NBAS: variants seen among roughly 807,000 people sequenced by gnomAD.
The protein encoded by NBAS is NAG/BC035112 fusion.
A neutral mutation model predicts 302.5 loss-of-function variants in NBAS; 219 were observed. The observed-to-expected ratio is 0.72, with a 90% CI of 0.65 to 0.81. NBAS has a LOEUF of 0.81. NBAS is among the 30% of genes least tolerant of loss of function. NBAS has a pLI of 0.00. For missense variants in NBAS, 2,932 were observed against 2,841.6 expected (o/e 1.03, Z -0.72); for synonymous variants, 1,118 against 1,021.6 (o/e 1.09, Z -1.80).
At chr2:14,793,443 TTGA>T in the NBAS span, among the ~76,000 whole-genome samples, 1 of 152,132 alleles carries the variant, frequency 6.6e-6, no homozygotes, top group Non-Finnish European at 1.5e-5. Context: ...CAGCAGAATA[TTGA>T]TGACAGAGTA....
At chr2:15,272,646 A>T (rs915365653) in intron 44 of NBAS, among the ~76,000 whole-genome samples, 1 of 152,214 alleles carries the variant, frequency 6.6e-6, no homozygotes, top group Non-Finnish European at 1.5e-5. Flanking sequence ...ACCTCTCTAT[A>T]ATTTACTTGA....
chr2:14,918,316 A>C, the NBAS span, among the ~76,000 whole-genome samples: 1 of 55,814 alleles, frequency 1.8e-5, no homozygotes, highest in Non-Finnish European at 3.5e-5. Context: ...TCCATGCAAA[A>C]AAAAAAAAAA....
intron 44 of NBAS, among the ~76,000 whole-genome samples, chr2:15,258,323 C>T (rs1668695193): frequency 6.6e-6 from 1 of 152,034 alleles, no homozygotes; most frequent in African/African-American, 2.4e-5. Context: ...TGAAAATGAA[C>T]AGAATAATAG....
intron 32 of NBAS, among the ~76,000 whole-genome samples, chr2:15,360,299 A>G (rs2148323512): frequency 6.6e-6 from 1 of 150,416 alleles, no homozygotes; most frequent in South Asian, 2.1e-4. Context: ...TTCTTTCTTC[A>G]GTAATAAGTT....
At chr2:15,052,538 C>A in the NBAS span, among the ~76,000 whole-genome samples, 2 of 152,194 alleles carry the variant, frequency 1.3e-5, no homozygotes, top group Admixed American at 1.3e-4. Flanking sequence ...GAAAGACATG[C>A]CCCTAACTCA....
chr2:14,899,036 T>G, the NBAS span, among the ~76,000 whole-genome samples: 2 of 152,088 alleles, frequency 1.3e-5, no homozygotes, highest in Non-Finnish European at 2.9e-5. Context: ...GAAACTAGGG[T>G]GGCCAGGCAT....
At chr2:15,110,863 G>A in the NBAS span, among the ~76,000 whole-genome samples, 8 of 151,960 alleles carry the variant, frequency 5.3e-5, no homozygotes, top group East Asian at 1.9e-4. Context: ...AACAGAAATC[G>A]TGAAAACCTC....
chr2:14,794,345 A>G, the NBAS span, among the ~76,000 whole-genome samples: 2 of 152,194 alleles, frequency 1.3e-5, no homozygotes, highest in Non-Finnish European at 2.9e-5. Context: ...ACTTAACTAA[A>G]TTACAAGTAT....
At chr2:14,841,163 T>C in the NBAS span, among the ~76,000 whole-genome samples, 20 of 151,986 alleles carry the variant, frequency 1.3e-4, 1 homozygote, top group South Asian at 3.9e-3. Context: ...AGATTCATGA[T>C]AACCACAATG....
Position 15,292,240 on chromosome 2 carries a change from CT to C in NBAS, c.5027+296del, listed in dbSNP as rs1320030545. On this transcript the variant is annotated intron_variant, in intron 41 of 51. Coordinates refer to ENST00000281513, the MANE Select transcript of NBAS (RefSeq NM_015909.4). ...TCTTGAGATCTTGGGCCACCTTGGC[CT>C]CCCAAAGTGCTGGGATTACAGGCAT... Among the ~76,000 whole-genome samples the C allele has an allele frequency of 1.3e-4, 20 of 152,326 alleles. No individual in the cohort carries two copies. The South Asian group carries it at 1.5e-3, about 11-fold the overall frequency.
chr2:15,074,018 C>A, the NBAS span, among the ~76,000 whole-genome samples: 3 of 152,046 alleles, frequency 2.0e-5, no homozygotes, highest in Non-Finnish European at 2.9e-5. Flanking sequence ...TGGAAAAAAT[C>A]TTATGAATAA....
downstream of NBAS, among the ~76,000 whole-genome samples, chr2:15,163,922 G>A (rs188500015): frequency 5.3e-5 from 8 of 151,818 alleles, no homozygotes; most frequent in East Asian, 1.9e-4. Flanking sequence ...TCAGCCTCCC[G>A]AGTAGCTGGG....
chr2:14,900,282 G>C, the NBAS span, among the ~76,000 whole-genome samples: 2 of 151,896 alleles, frequency 1.3e-5, no homozygotes, highest in Non-Finnish European at 2.9e-5. Context: ...GCATAAGCAT[G>C]CTCAACAAAT....
At chr2:14,938,082 C>T in the NBAS span, among the ~76,000 whole-genome samples, 42 of 151,962 alleles carry the variant, frequency 2.8e-4, 1 homozygote, top group African/African-American at 9.2e-4. Flanking sequence ...GAGCCAGGAT[C>T]GCGCCACTGC....
At chr2:15,266,123 C>T (rs1029054742) in intron 44 of NBAS, among the ~76,000 whole-genome samples, 4 of 152,168 alleles carry the variant, frequency 2.6e-5, no homozygotes, top group Non-Finnish European at 5.9e-5. Flanking sequence ...TCCCCCTTGG[C>T]TGGGCACTCA....
intron 21 of NBAS, among the ~76,000 whole-genome samples, chr2:15,455,054 C>T (rs190435198): frequency 6.6e-6 from 1 of 152,186 alleles, no homozygotes; most frequent in African/African-American, 2.4e-5. Context: ...AGGTGTGTGC[C>T]ACCATGCCCG....
At chr2:15,204,212 T>C (rs1001508444) in intron 48 of NBAS, among the ~76,000 whole-genome samples, 2 of 152,080 alleles carry the variant, frequency 1.3e-5, no homozygotes, top group Admixed American at 6.5e-5. Flanking sequence ...CGAGCCACAA[T>C]TGGTCAACTG....
At chr2:15,425,424 G>A (rs369564697) in intron 22 of NBAS, among the ~76,000 whole-genome samples, 29 of 152,078 alleles carry the variant, frequency 1.9e-4, no homozygotes, top group African/African-American at 7.0e-4. Context: ...ATTTAAACGG[G>A]GAAAACACTA....
intron 13 of NBAS, 57 bp from the exon 14 acceptor site, chr2:15,475,937 A>C: frequency 1.5e-6 from 2 of 1,352,910 alleles, no homozygotes; most frequent in African/African-American, 1.5e-5. Flanking sequence ...TTTAAATTCA[A>C]AATATTTAGT....
Sources: gnomAD v4.1 joint callset for allele counts (sites outside exome capture counted in the v4.1 genomes callset) on GRCh38, gnomAD v4.1.1 for gene constraint, MANE v1.5 for transcripts, NCBI Gene and HGNC (gene_info 2026-07-23, HGNC 2026-07-21) for gene names.